BNC2: variants seen among roughly 807,000 people sequenced by gnomAD.
BNC2 encodes basonuclin zinc finger protein 2, also known as zinc finger protein basonuclin-2.
BNC2 carries 20 observed loss-of-function variants against 76.3 expected under a neutral mutation model. The ratio of observed to expected loss-of-function variants is 0.26; its 90% confidence interval spans 0.18 to 0.38. The LOEUF (loss-of-function observed/expected upper bound fraction) is 0.38. BNC2 is among the 10% of genes least tolerant of loss of function. The pLI, the probability that BNC2 is intolerant of heterozygous loss-of-function variation, is 1.00. For synonymous variants in BNC2, 582 were observed against 514.8 expected (o/e 1.13, Z -1.77); for missense variants, 1,382 against 1,399.8 (o/e 0.99, Z 0.20).
At chr9:16,677,351 T>C (rs539208060) in intron 3 of BNC2, among the ~76,000 whole-genome samples, 1 of 152,258 alleles carries the variant, frequency 6.6e-6, no homozygotes, top group Middle Eastern at 3.4e-3. Context: ...GGCTGGCAGA[T>C]TACTTGAGAT....
rs71325979 is a variant in BNC2 at position 16,663,130 on chromosome 9, C to CTTTTTTT, written c.330+64660_330+64666dup. ...CCATAGGCACTCCACTCTGTTTACT[C>CTTTTTTT]TTTTTTTTTTTTTTTTGGAGACGGA... On this transcript the variant is annotated intron_variant, in intron 3 of 6. Transcript: ENST00000380672. 1.6e-4 allele frequency among the ~76,000 whole-genome samples: 16 copies of CTTTTTTT among 99,618 alleles called. 1 individual carries two copies. Among genetic ancestry groups the CTTTTTTT allele is most frequent in the Non-Finnish European group, 2.3e-4 (11 of 47,334 alleles). The allele number at this position is 99,618 out of a possible 152,430, so 65.4% of individuals were successfully genotyped here.
chr9:16,721,442 C>A (rs1418370639), intron 3 of BNC2, among the ~76,000 whole-genome samples: 8 of 152,114 alleles, frequency 5.3e-5, no homozygotes, highest in African/African-American at 1.9e-4. Flanking sequence ...TAGAAGCCAG[C>A]TGCTTTTCTG....
chr9:16,841,639 T>A (rs1311116401), intron 1 of BNC2, among the ~76,000 whole-genome samples: 3 of 152,044 alleles, frequency 2.0e-5, no homozygotes, highest in African/African-American at 7.2e-5. Context: ...CATGCCTTCT[T>A]ATAAAATCAA....
At chr9:16,692,321 T>C (rs1232061925) in intron 3 of BNC2, among the ~76,000 whole-genome samples, 1 of 152,142 alleles carries the variant, frequency 6.6e-6, no homozygotes, top group Non-Finnish European at 1.5e-5. Flanking sequence ...CAACTCCAGC[T>C]ATCTTAAAGA....
chr9:16,826,819 G>C (rs1367444083), intron 1 of BNC2, among the ~76,000 whole-genome samples: 1 of 152,130 alleles, frequency 6.6e-6, no homozygotes, highest in African/African-American at 2.4e-5. Context: ...ATGATGGATG[G>C]ATAGATGGAT....
At chr9:16,772,238 G>A (rs1245697815) in intron 1 of BNC2, among the ~76,000 whole-genome samples, 1 of 152,098 alleles carries the variant, frequency 6.6e-6, no homozygotes, top group African/African-American at 2.4e-5. Flanking sequence ...GTATACTGCA[G>A]GGACCAGGGG....
chr9:16,545,114 A>G (rs1344440660), intron 5 of BNC2, among the ~76,000 whole-genome samples: 1 of 152,154 alleles, frequency 6.6e-6, no homozygotes, highest in Non-Finnish European at 1.5e-5. Flanking sequence ...ATCCAAGTAC[A>G]TTCATATGTA....
chr9:16,830,451 C>T (rs772772675), intron 1 of BNC2, among the ~76,000 whole-genome samples: 5 of 152,166 alleles, frequency 3.3e-5, no homozygotes, highest in Admixed American at 6.6e-5. Flanking sequence ...AATGTAAATG[C>T]TACGTAAATA....
chr9:16,503,210 T>G (rs1822557417), intron 5 of BNC2, among the ~76,000 whole-genome samples: 1 of 152,118 alleles, frequency 6.6e-6, no homozygotes, highest in Admixed American at 6.6e-5. Flanking sequence ...TCCCACAATT[T>G]TGTCCCAAAA....
chr9:16,479,664 GA>G (rs1822005562), intron 5 of BNC2, among the ~76,000 whole-genome samples: 2 of 152,068 alleles, frequency 1.3e-5, no homozygotes, highest in Non-Finnish European at 1.5e-5. Context: ...ATTTTGGGGG[GA>G]AAGTTCCTGA....
At chr9:16,674,834 G>GTT (rs1822589708) in intron 3 of BNC2, among the ~76,000 whole-genome samples, 1 of 152,158 alleles carries the variant, frequency 6.6e-6, no homozygotes, top group Non-Finnish European at 1.5e-5. Context: ...GGCACTCAAT[G>GTT]AACAGTAGAG....
intron 5 of BNC2, among the ~76,000 whole-genome samples, chr9:16,477,819 C>T (rs1301548429): frequency 1.3e-5 from 2 of 152,118 alleles, no homozygotes; most frequent in Non-Finnish European, 2.9e-5. Context: ...TCAGAGTAGG[C>T]CTGGAGGGAA....
intron 5 of BNC2, among the ~76,000 whole-genome samples, chr9:16,454,067 G>C (rs887628683): frequency 1.1e-4 from 16 of 151,886 alleles, no homozygotes; most frequent in African/African-American, 3.6e-4. Flanking sequence ...ATCATTTGTG[G>C]CCCACCTATC....
At chr9:16,721,139 T>G (rs1824144818) in intron 3 of BNC2, among the ~76,000 whole-genome samples, 1 of 152,220 alleles carries the variant, frequency 6.6e-6, no homozygotes, top group Non-Finnish European at 1.5e-5. Context: ...ACATCATTTC[T>G]GGGATGCCAT....
chr9:16,481,212 A>T (rs1156596102), intron 5 of BNC2, among the ~76,000 whole-genome samples: 1 of 152,104 alleles, frequency 6.6e-6, no homozygotes, highest in African/African-American at 2.4e-5. Context: ...CGCACCAATC[A>T]GCGCCCTGTC....
At chr9:16,853,765 G>A (rs532061245) in intron 1 of BNC2, among the ~76,000 whole-genome samples, 3 of 152,270 alleles carry the variant, frequency 2.0e-5, no homozygotes, top group South Asian at 4.2e-4. Flanking sequence ...CTACTCGGGA[G>A]GGTGAGGCAG....
At chr9:16,752,200 CAAA>C (rs5896704) in intron 1 of BNC2, among the ~76,000 whole-genome samples, 130,688 of 151,962 alleles carry the variant, frequency 0.86, 56,602 homozygotes, top group Non-Finnish European at 0.91. Flanking sequence ...TGTTTTGGCT[CAAA>C]ATTTTGTTTT....
At chr9:16,488,930 T>C (rs1045030506) in intron 5 of BNC2, among the ~76,000 whole-genome samples, 1 of 152,198 alleles carries the variant, frequency 6.6e-6, no homozygotes, top group East Asian at 1.9e-4. Context: ...GTTTCAGTCA[T>C]TGCTAATCAC....
chr9:16,655,406 G>C (rs914237439), intron 3 of BNC2, among the ~76,000 whole-genome samples: 4 of 152,034 alleles, frequency 2.6e-5, no homozygotes, highest in African/African-American at 9.7e-5. Flanking sequence ...CGCATCTGCC[G>C]ACAGTATGAG....
Sources: allele counts gnomAD v4.1 joint callset (sites outside exome capture counted in the v4.1 genomes callset), GRCh38; gene constraint gnomAD v4.1.1; transcripts MANE v1.5; gene names NCBI Gene and HGNC (gene_info 2026-07-23, HGNC 2026-07-21).